Variants in ALDH1A2 observed in about 807,000 individuals in gnomAD.
ALDH1A2 encodes retinal dehydrogenase 2.
In ALDH1A2, 27 loss-of-function variants were observed where a neutral mutation model predicts 60.3. That is an observed-to-expected ratio of 0.45 (90% CI 0.33 to 0.62). ALDH1A2 has a LOEUF of 0.62. Ranked by LOEUF, ALDH1A2 falls within the 20% of genes least tolerant of loss-of-function variation. ALDH1A2 has a pLI of 0.02. For missense variants in ALDH1A2, 581 were observed against 643.8 expected, an observed-to-expected ratio of 0.90 and a Z score of 1.06; for synonymous variants, 289 against 232.4, an observed-to-expected ratio of 1.24 and a Z score of -2.21.
intron 1 of ALDH1A2, among the ~76,000 whole-genome samples, chr15:58,061,610 C>CAAAAAAAAAAAAAAA (rs1216992550): frequency 3.0e-5 from 3 of 100,332 alleles, no homozygotes; most frequent in Non-Finnish European, 4.2e-5. Context: ...AAAAAAAAAA[C>CAAAAAAAAAAAAAAA]AAAAAAAAAA....
At chr15:58,010,269 A>G (rs4646593) in intron 4 of ALDH1A2, among the ~76,000 whole-genome samples, 54,715 of 151,834 alleles carry the variant, frequency 0.36, 10,717 homozygotes, top group Non-Finnish European at 0.46. Context: ...TAGATCTTAT[A>G]TGTTTCAGGA....
intron 4 of ALDH1A2, among the ~76,000 whole-genome samples, chr15:57,996,416 A>T (rs1252630695): frequency 6.6e-6 from 1 of 151,242 alleles, no homozygotes; most frequent in Admixed American, 6.6e-5. Flanking sequence ...ACTTTTATTC[A>T]CATACAAGTA....
intron 1 of ALDH1A2, among the ~76,000 whole-genome samples, chr15:58,026,108 A>G (rs1896073250): frequency 6.6e-6 from 1 of 152,210 alleles, no homozygotes; most frequent in African/African-American, 2.4e-5. Context: ...CCAAAATCAG[A>G]CAAGGATACA....
chr15:58,015,116 T>C (rs867092617), intron 1 of ALDH1A2, among the ~76,000 whole-genome samples: 10 of 152,212 alleles, frequency 6.6e-5, no homozygotes, highest in Non-Finnish European at 1.2e-4. Flanking sequence ...TTTTAGACCA[T>C]GTAATCTTAG....
chr15:57,967,342 C>A (rs1893931029), intron 7 of ALDH1A2, among the ~76,000 whole-genome samples: 1 of 152,082 alleles, frequency 6.6e-6, no homozygotes, highest in Non-Finnish European at 1.5e-5. Flanking sequence ...CACTTAGAAC[C>A]CAGCCTGGCA....
intron 1 of ALDH1A2, among the ~76,000 whole-genome samples, chr15:58,040,283 A>T (rs1035418578): frequency 4.5e-4 from 69 of 152,028 alleles, no homozygotes; most frequent in African/African-American, 1.6e-3. Context: ...ATTGTTTGAT[A>T]AGTACATTCT....
chr15:57,995,202 G>C, intron 4 of ALDH1A2, 63 bp from the exon 5 acceptor site: 4 of 436,528 alleles, frequency 9.2e-6, no homozygotes, highest in Non-Finnish European at 1.5e-5. Context: ...TGCAAAGGGA[G>C]AACTTTGGTG....
chr15:58,000,505 C>G (rs558368388), intron 4 of ALDH1A2, among the ~76,000 whole-genome samples: 26 of 152,112 alleles, frequency 1.7e-4, no homozygotes, highest in Non-Finnish European at 2.9e-4. Context: ...GTTAAATTAA[C>G]TCACCTGTTA....
intron 1 of ALDH1A2, among the ~76,000 whole-genome samples, chr15:58,018,570 T>G (rs1895843852): frequency 6.6e-6 from 1 of 152,178 alleles, no homozygotes; most frequent in Non-Finnish European, 1.5e-5. Context: ...TCAAGATACT[T>G]AATTACAAAA....
chr15:57,978,687 G>A (rs1894363865), intron 7 of ALDH1A2, among the ~76,000 whole-genome samples: 1 of 152,196 alleles, frequency 6.6e-6, no homozygotes. Context: ...GGCCGGGGGA[G>A]ATGGAGCAGT....
intron 1 of ALDH1A2, 138 bp downstream of exon 1, chr15:58,065,396 C>G: frequency 1.2e-6 from 1 of 822,602 alleles, no homozygotes. Context: ...CAGGGGGTCC[C>G]TCTGCTGCGC....
At chr15:58,000,320 G>C (rs1338836927) in intron 4 of ALDH1A2, among the ~76,000 whole-genome samples, 2 of 151,858 alleles carry the variant, frequency 1.3e-5, no homozygotes, top group Admixed American at 6.6e-5. Flanking sequence ...AGCCTTCTGT[G>C]GGCACCTTCA....
At position 58,049,524 on chromosome 15, in the gene ALDH1A2, G is replaced by C. The variant is rs142402913; in HGVS notation, c.117+16010C>G. 1.9e-4 allele frequency among the ~76,000 whole-genome samples: 29 copies of C among 152,184 alleles called. No homozygotes were observed. In the East Asian group the frequency reaches 4.1e-3, roughly 21 times the overall value. ...GGCAATTTATGAGTACTCTTAAAAA[G>C]CTAGTCACTCCTTGTTCTGTCTGAG... On this transcript the variant is annotated intron_variant, in intron 1 of 12. Coordinates refer to ENST00000249750, the MANE Select transcript of ALDH1A2 (RefSeq NM_003888.4).
chr15:58,053,928 G>A (rs1595693570), intron 1 of ALDH1A2, among the ~76,000 whole-genome samples: 1 of 152,148 alleles, frequency 6.6e-6, no homozygotes, highest in South Asian at 2.1e-4. Flanking sequence ...ATACCCATTT[G>A]TGAAGGTTAA....
chr15:57,970,353 C>T (rs1894022896), intron 7 of ALDH1A2, among the ~76,000 whole-genome samples: 1 of 152,186 alleles, frequency 6.6e-6, no homozygotes, highest in Non-Finnish European at 1.5e-5. Flanking sequence ...GGCTCCTCCA[C>T]ACATAATGAA....
At chr15:58,006,892 G>C (rs1895478056) in intron 4 of ALDH1A2, among the ~76,000 whole-genome samples, 2 of 148,200 alleles carry the variant, frequency 1.3e-5, no homozygotes, top group African/African-American at 4.9e-5. Flanking sequence ...CTTTTTTGTG[G>C]TCTGTTTAGT....
chr15:58,031,113 C>G (rs1487256118), intron 1 of ALDH1A2, among the ~76,000 whole-genome samples: 2 of 151,232 alleles, frequency 1.3e-5, no homozygotes, highest in Non-Finnish European at 3.0e-5. Context: ...ATCATGCTAC[C>G]TGACTTCAAG....
chr15:58,000,355 G>A (rs2140500872), intron 4 of ALDH1A2, among the ~76,000 whole-genome samples: 1 of 152,030 alleles, frequency 6.6e-6, no homozygotes, highest in Admixed American at 6.6e-5. Context: ...CACCCCAGAA[G>A]TCATTCACAG....
intron 1 of ALDH1A2, among the ~76,000 whole-genome samples, chr15:58,062,660 T>A (rs1218912497): frequency 1.3e-5 from 2 of 151,488 alleles, no homozygotes; most frequent in Non-Finnish European, 2.9e-5. Context: ...ATACTTCATG[T>A]TAGTTTTCAC....
Sources: allele counts gnomAD v4.1 joint callset (sites outside exome capture counted in the v4.1 genomes callset), GRCh38; gene constraint gnomAD v4.1.1; transcripts MANE v1.5; gene names NCBI Gene and HGNC (gene_info 2026-07-23, HGNC 2026-07-21).